The following HDLBP variants were observed in gnomAD, a reference collection of about 807,000 sequenced individuals.
HDLBP encodes the protein high density lipoprotein binding protein.
A neutral mutation model predicts 137.3 loss-of-function variants in HDLBP; 30 were observed. That is an observed-to-expected ratio of 0.22 (90% CI 0.16 to 0.30). The LOEUF (loss-of-function observed/expected upper bound fraction) is 0.30, where lower values mean the gene tolerates loss of function less well. HDLBP is among the 10% of genes least tolerant of loss of function. The pLI is 1.00. For missense variants in HDLBP, 1,119 were observed against 1,667.3 expected (o/e 0.67, Z 5.73); for synonymous variants, 606 against 596.0 (o/e 1.02, Z -0.24).
intron 21 of HDLBP, among the ~76,000 whole-genome samples, chr2:241,235,805 AC>A (rs2070337233): frequency 6.6e-6 from 1 of 152,030 alleles, no homozygotes; most frequent in African/African-American, 2.4e-5. Flanking sequence ...GAAATTCCAG[AC>A]CCTTCATCCC....
chr2:241,265,902 T>G (rs1422618294), intron 3 of HDLBP, among the ~76,000 whole-genome samples: 1 of 152,216 alleles, frequency 6.6e-6, no homozygotes, highest in African/African-American at 2.4e-5. Context: ...ACAAAGCAGC[T>G]TCTCGGGTTC....
intron 11 of HDLBP, among the ~76,000 whole-genome samples, chr2:241,251,638 C>T (rs774001445): frequency 3.9e-5 from 6 of 152,164 alleles, no homozygotes; most frequent in South Asian, 2.1e-4. Flanking sequence ...TCAGAACACG[C>T]GAGTGTGTGA....
intron 1 of HDLBP, chr2:241,280,043 A>G (rs746057355): frequency 1.5e-5 from 15 of 985,258 alleles, no homozygotes; most frequent in Non-Finnish European, 1.8e-5. Context: ...TGTGGAGGAC[A>G]GGCGCCCACC....
At chr2:241,247,424 T>G (rs1218381176) in intron 14 of HDLBP, 2 of 451,100 alleles carry the variant, frequency 4.4e-6, no homozygotes, top group African/African-American at 4.0e-5. Context: ...AGAACACACA[T>G]GGAGACAGCA....
At chr2:241,298,032 T>G (rs1575043572) in intron 1 of HDLBP, among the ~76,000 whole-genome samples, 2 of 99,996 alleles carry the variant, frequency 2.0e-5, no homozygotes, top group South Asian at 3.6e-4. Flanking sequence ...CTGGACAGAG[T>G]GAGACCCTGT....
intron 5 of HDLBP, among the ~76,000 whole-genome samples, chr2:241,262,236 T>C (rs1161225424): frequency 2.6e-5 from 4 of 152,236 alleles, no homozygotes; most frequent in African/African-American, 4.8e-5. Context: ...CACCCATCTT[T>C]ACCATTCAGC....
chr2:241,255,635 G>C lies in HDLBP; in HGVS notation c.874-55C>G, dbSNP rs925680303. On this transcript the variant is annotated intron_variant, in intron 7 of 27. Transcript: ENST00000310931. ...AAGGGAAAGGTGTGGGAAGCGGGCA[G>C]GTGGGCATGGCCACTGCTGCAGAAA... 1.7e-5 allele frequency: 24 copies of C among 1,398,978 alleles called. No individual in the cohort carries two copies. In the African/African-American group the frequency reaches 3.3e-4, roughly 19 times the overall value. The allele number at this position is 1,398,978 out of a possible 1,614,324, so 86.7% of individuals were successfully genotyped here.
At chr2:241,231,822 T>C (rs2069798642) in intron 24 of HDLBP, among the ~76,000 whole-genome samples, 1 of 152,100 alleles carries the variant, frequency 6.6e-6, no homozygotes, top group African/African-American at 2.4e-5. Flanking sequence ...AAAACACCTG[T>C]AGCCCACAAT....
At chr2:241,298,628 A>G (rs1015901104) in intron 1 of HDLBP, among the ~76,000 whole-genome samples, 39 of 152,232 alleles carry the variant, frequency 2.6e-4, no homozygotes, top group Non-Finnish European at 1.2e-4. Flanking sequence ...ATACTTAACA[A>G]TTACAAAGAT....
In HDLBP at chr2:241,235,598, C is replaced by T; in HGVS notation, c.2905-4G>A. The T allele has an allele frequency of 5.0e-6, 8 of 1,606,664 alleles. No homozygotes were observed. Among genetic ancestry groups the T allele is most frequent in the Non-Finnish European group, 6.8e-6 (8 of 1,173,334 alleles). ...CAATGGTGACAGGAACCAATGCCTG[C>T]AGGGAGGATGGTCATGGTTAGGCCG... On this transcript the variant is annotated splice_region_variant and splice_polypyrimidine_tract_variant and intron_variant, in intron 21 of 27. Coordinates refer to ENST00000310931, the MANE Select transcript of HDLBP (RefSeq NM_005336.6).
chr2:241,255,149 A>G lies in HDLBP; in HGVS notation c.1090T>C (p.Phe364Leu). 1.2e-6 allele frequency: 2 copies of G among 1,614,056 alleles called. No homozygotes were observed. Among genetic ancestry groups the G allele is most frequent in the Non-Finnish European group, 1.7e-6 (2 of 1,179,946 alleles). Residue 364 changes from phenylalanine (F) to leucine (L), a missense_variant, in exon 9 of 28, where the codon TTC becomes CTC. Around this residue, in one of 4 missense-constraint regions of HDLBP, gnomAD observed 425 missense variants for 693.9 expected, o/e 0.61. Coordinates refer to ENST00000310931, the MANE Select transcript of HDLBP (RefSeq NM_005336.6). ...GGGGCGGCGACAGAGGAGACGGTGAAGCTATTGGCCTAAGAAAATGGGAGA... is the reference window on the plus strand; with the variant it reads ...GGGGCGGCGACAGAGGAGACGGTGAGGCTATTGGCCTAAGAAAATGGGAGA... ...LTEVYAKANS[F>L]TVSSVAAPSW... is the part of the protein sequence containing the mutation.
chr2:241,300,508 G>C (rs1471700958), intron 1 of HDLBP, among the ~76,000 whole-genome samples: 3 of 152,182 alleles, frequency 2.0e-5, no homozygotes, highest in Non-Finnish European at 4.4e-5. Flanking sequence ...GGCAGGTAGA[G>C]AAGACAAGCA....
At chr2:241,243,680 C>A (rs2071459510) in intron 16 of HDLBP, 1 of 152,392 alleles carries the variant, frequency 6.6e-6, no homozygotes, top group African/African-American at 2.4e-5. Context: ...TCAGCAGTTT[C>A]AACTTTCTGG....
At chr2:241,299,071 A>G (rs2075292899) in intron 1 of HDLBP, among the ~76,000 whole-genome samples, 2 of 152,190 alleles carry the variant, frequency 1.3e-5, no homozygotes, top group South Asian at 2.1e-4. Flanking sequence ...ATAAGTAAAC[A>G]TACCAAAATA....
intron 1 of HDLBP, among the ~76,000 whole-genome samples, chr2:241,305,748 A>G (rs1315078230): frequency 6.6e-6 from 1 of 151,012 alleles, no homozygotes; most frequent in Non-Finnish European, 1.5e-5. Context: ...ATGAATACAA[A>G]GTTGTTTATT....
chr2:241,313,136 TA>T (rs1417714119), intron 1 of HDLBP, among the ~76,000 whole-genome samples: 1 of 152,214 alleles, frequency 6.6e-6, no homozygotes, highest in Non-Finnish European at 1.5e-5. Context: ...TTCCAACAGG[TA>T]ACCACTGCCT....
At chr2:241,256,041 G>A (rs898314013) in intron 7 of HDLBP, 143 bp downstream of exon 7, 10 of 710,460 alleles carry the variant, frequency 1.4e-5, no homozygotes, top group South Asian at 7.0e-5. Flanking sequence ...GATCTCACCC[G>A]GGTCACTCAA....
intron 1 of HDLBP, among the ~76,000 whole-genome samples, chr2:241,279,527 A>G (rs1470679285): frequency 1.3e-5 from 2 of 152,208 alleles, no homozygotes; most frequent in Non-Finnish European, 2.9e-5. Context: ...GGGGACAGAC[A>G]CAGAGAACAA....
intron 1 of HDLBP, among the ~76,000 whole-genome samples, chr2:241,278,152 G>A (rs2074463583): frequency 6.6e-6 from 1 of 152,128 alleles, no homozygotes; most frequent in Admixed American, 6.5e-5. Context: ...CTTGCAAACT[G>A]ACCCAGAAAT....
Sources: gnomAD v4.1 joint callset for allele counts (sites outside exome capture counted in the v4.1 genomes callset) on GRCh38, gnomAD v4.1.1 for gene constraint, gnomAD v4.1.1 regional missense constraint, MANE v1.5 for transcripts, NCBI Gene and HGNC (gene_info 2026-07-23, HGNC 2026-07-21) for gene names.